The following TESMIN variants were observed in gnomAD, a reference collection of about 807,000 sequenced individuals.
TESMIN encodes testis expressed metallothionein like protein.
A neutral mutation model predicts 47.4 loss-of-function variants in TESMIN; 34 were observed. That is an observed-to-expected ratio of 0.72 (90% CI 0.55 to 0.96). The LOEUF is 0.96. Ranked by LOEUF, TESMIN falls within the 40% of genes least tolerant of loss-of-function variation. TESMIN has a pLI of 0.00. For synonymous variants in TESMIN, 278 were observed against 258.9 expected (o/e 1.07, Z -0.71); for missense variants, 610 against 637.2 (o/e 0.96, Z 0.46).
chr11:68,738,255 G>C, intron 6 of TESMIN: 1 of 995,718 alleles, frequency 1.0e-6, no homozygotes, highest in Non-Finnish European at 1.2e-6. Flanking sequence ...CATAGAGCTC[G>C]AGCCAACTCA....
chr11:68,744,347 A>G (rs974348628), intron 4 of TESMIN, among the ~76,000 whole-genome samples: 1 of 152,246 alleles, frequency 6.6e-6, no homozygotes, highest in African/African-American at 2.4e-5. Flanking sequence ...AAGAATTAGC[A>G]TCTCACTTTT....
chr11:68,730,328 A>G (rs1226060522), intron 6 of TESMIN, among the ~76,000 whole-genome samples: 3 of 152,234 alleles, frequency 2.0e-5, no homozygotes, highest in East Asian at 1.9e-4. Flanking sequence ...GTTGTTGCCT[A>G]TACCAAAATA....
chr11:68,713,413 G>T lies in TESMIN; in HGVS notation c.1021-6C>A. 3 of 1,613,760 alleles carry T rather than the reference G, an allele frequency of 1.9e-6. No homozygotes were observed. Among genetic ancestry groups the T allele is most frequent in the Non-Finnish European group, 2.5e-6 (3 of 1,179,870 alleles). ...GGATTTCTACCAAGACATGCCTAGG[G>T]TAGAATGGGAAGCTCCATCAGGATG... is the stretch of plus-strand genomic sequence containing the variant. On this transcript the variant is annotated splice_region_variant and splice_polypyrimidine_tract_variant and intron_variant, in intron 7 of 9. Coordinates refer to ENST00000255087, the MANE Select transcript of TESMIN (RefSeq NM_004923.3).
intron 6 of TESMIN, among the ~76,000 whole-genome samples, chr11:68,730,631 T>C (rs1333555238): frequency 6.6e-6 from 1 of 151,764 alleles, no homozygotes; most frequent in African/African-American, 2.4e-5. Flanking sequence ...CTCGTCTCTA[T>C]TAAAAATGCA....
chr11:68,740,402 C>T (rs369454494), intron 5 of TESMIN, among the ~76,000 whole-genome samples: 8 of 151,732 alleles, frequency 5.3e-5, no homozygotes, highest in Non-Finnish European at 8.8e-5. Context: ...AAAATGGGGA[C>T]GATAATAAAC....
At chr11:68,746,248 C>A (rs1424852696) in intron 3 of TESMIN, among the ~76,000 whole-genome samples, 1 of 152,144 alleles carries the variant, frequency 6.6e-6, no homozygotes, top group Non-Finnish European at 1.5e-5. Flanking sequence ...CACTCCTGGG[C>A]CCTATCCACA....
chr11:68,742,430 C>A, intron 4 of TESMIN, 36 bp from the exon 5 acceptor site: 1 of 1,359,400 alleles, frequency 7.4e-7, no homozygotes, highest in Non-Finnish European at 1.0e-6. Context: ...ATTGTAGCAT[C>A]TATCGTTCCT....
At chr11:68,720,951 A>G (rs1474679623) in intron 6 of TESMIN, among the ~76,000 whole-genome samples, 2 of 152,238 alleles carry the variant, frequency 1.3e-5, no homozygotes, top group African/African-American at 4.8e-5. Flanking sequence ...AAATAAGTAT[A>G]TGTTGTTTGG....
chr11:68,732,084 G>A (rs1594295069), intron 6 of TESMIN, among the ~76,000 whole-genome samples: 1 of 152,170 alleles, frequency 6.6e-6, no homozygotes, highest in South Asian at 2.1e-4. Flanking sequence ...TGTAGACATC[G>A]AGTAGATTGG....
rs1946580775 is a variant in TESMIN, at chr11:68,750,499, C to A, written c.162G>T (p.Leu54=). The A allele has an allele frequency of 1.9e-6, 3 of 1,603,342 alleles. No individual in the cohort carries two copies. The African/African-American group carries it at 4.0e-5, about 22-fold the overall frequency. Residue 54 remains leucine (L), a synonymous_variant, in exon 2 of 10, where the codon CTG becomes CTT. Coordinates refer to ENST00000255087, the MANE Select transcript of TESMIN (RefSeq NM_004923.3). ...DEFHVFKEAY[L]GPADPKEPVL... ...CGGGTTCCTTGGGGTCCGCCGGGCCCAGGTACGCTTCTTTGAAGACGTGGA... is the reference window on the plus strand; with the variant it reads ...CGGGTTCCTTGGGGTCCGCCGGGCCAAGGTACGCTTCTTTGAAGACGTGGA...
At chr11:68,734,105 T>C (rs114032723) in intron 6 of TESMIN, among the ~76,000 whole-genome samples, 1 of 152,212 alleles carries the variant, frequency 6.6e-6, no homozygotes, top group Non-Finnish European at 1.5e-5. Context: ...TAAAGAACAA[T>C]AGATGAAGCG....
chr11:68,748,016 A>G (rs986410688), intron 2 of TESMIN, among the ~76,000 whole-genome samples: 2 of 152,192 alleles, frequency 1.3e-5, no homozygotes, highest in African/African-American at 4.8e-5. Context: ...GAGGACTGGG[A>G]AACCCACGCT....
chr11:68,721,398 A>G (rs1008173001), intron 6 of TESMIN, among the ~76,000 whole-genome samples: 1 of 152,158 alleles, frequency 6.6e-6, no homozygotes, highest in Non-Finnish European at 1.5e-5. Flanking sequence ...TCCTCAGGGA[A>G]GCCTTCCCCG....
At chr11:68,723,843 GAAAAC>G (rs1946230890) in intron 6 of TESMIN, among the ~76,000 whole-genome samples, 1 of 151,918 alleles carries the variant, frequency 6.6e-6, no homozygotes, top group Admixed American at 6.5e-5. Context: ...ACATAAAAAA[GAAAAC>G]AAACTACAAA....
chr11:68,740,749 CCTTT>C (rs940437957), intron 5 of TESMIN, among the ~76,000 whole-genome samples: 4 of 152,178 alleles, frequency 2.6e-5, no homozygotes, highest in Non-Finnish European at 5.9e-5. Flanking sequence ...ACACTCACTT[CCTTT>C]GAGATCTCAT....
intron 6 of TESMIN, among the ~76,000 whole-genome samples, chr11:68,729,252 G>A (rs1383257153): frequency 3.9e-5 from 6 of 152,174 alleles, no homozygotes; most frequent in East Asian, 3.9e-4. Flanking sequence ...CCAGCTGGGC[G>A]TGGTGGCTCA....
intron 4 of TESMIN, among the ~76,000 whole-genome samples, chr11:68,743,375 A>G (rs1191940256): frequency 1.3e-5 from 2 of 151,268 alleles, no homozygotes; most frequent in Non-Finnish European, 2.9e-5. Context: ...CCCCCAGTCA[A>G]CTGGGACAAC....
intron 6 of TESMIN, among the ~76,000 whole-genome samples, chr11:68,718,211 G>T (rs1250662754): frequency 1.8e-5 from 1 of 54,280 alleles, no homozygotes; most frequent in Non-Finnish European, 4.1e-5. Context: ...TATGAGCAGA[G>T]TGACGCCCAG....
chr11:68,727,135 G>A (rs544853067), intron 6 of TESMIN, among the ~76,000 whole-genome samples: 4 of 151,632 alleles, frequency 2.6e-5, no homozygotes, highest in Non-Finnish European at 5.9e-5. Flanking sequence ...ATATATGAAA[G>A]GGCTAATTAA....
Sources: allele counts gnomAD v4.1 joint callset (sites outside exome capture counted in the v4.1 genomes callset), GRCh38; gene constraint gnomAD v4.1.1; transcripts MANE v1.5; gene names NCBI Gene and HGNC (gene_info 2026-07-23, HGNC 2026-07-21).